Variants in LIFR observed in about 807,000 individuals in gnomAD.
LIFR encodes the protein leukemia inhibitory factor receptor.
LIFR carries 84 observed loss-of-function variants against 122.2 expected under a neutral mutation model. The observed-to-expected ratio is 0.69, with a 90% confidence interval of 0.58 to 0.82. The LOEUF (loss-of-function observed/expected upper bound fraction) is 0.82. Ranked by LOEUF, LIFR falls within the 40% of genes least tolerant of loss-of-function variation. The pLI, the probability that LIFR is intolerant of heterozygous loss-of-function variation, is 0.00. For missense variants in LIFR, 1,294 were observed against 1,311.6 expected, an observed-to-expected ratio of 0.99 and a Z score of 0.21; for synonymous variants, 422 against 434.7, an observed-to-expected ratio of 0.97 and a Z score of 0.36.
chr5:38,500,228 T>C (rs1218865723), intron 11 of LIFR, among the ~76,000 whole-genome samples: 2 of 152,194 alleles, frequency 1.3e-5, no homozygotes, highest in African/African-American at 2.4e-5. Context: ...TTTCTAGTCC[T>C]GGATCCTACA....
At chr5:38,584,476 T>C (rs949667220) in intron 1 of LIFR, among the ~76,000 whole-genome samples, 2 of 152,052 alleles carry the variant, frequency 1.3e-5, no homozygotes, top group Non-Finnish European at 2.9e-5. Context: ...AAAGAAAATG[T>C]GGTATATATG....
At chr5:38,553,653 TA>T (rs1285220161) in intron 1 of LIFR, among the ~76,000 whole-genome samples, 2 of 103,354 alleles carry the variant, frequency 1.9e-5, no homozygotes, top group African/African-American at 4.1e-5. Context: ...TATATATATA[TA>T]TATATATATA....
At chr5:38,540,657 C>T (rs538862613) in intron 1 of LIFR, among the ~76,000 whole-genome samples, 1 of 152,306 alleles carries the variant, frequency 6.6e-6, no homozygotes, top group African/African-American at 2.4e-5. Flanking sequence ...GCGGCCAGTA[C>T]AGCCACAGAT....
intron 15 of LIFR, 53 bp from the exon 16 acceptor site, chr5:38,489,298 T>C: frequency 1.5e-6 from 2 of 1,330,634 alleles, no homozygotes; most frequent in Non-Finnish European, 1.1e-6. Context: ...TACAGAGTAA[T>C]ACAGTAATGT....
chr5:38,540,002 A>C (rs1158383307), intron 1 of LIFR, among the ~76,000 whole-genome samples: 1 of 152,186 alleles, frequency 6.6e-6, no homozygotes, highest in Non-Finnish European at 1.5e-5. Flanking sequence ...TACAGCTAGT[A>C]AGGAGCAAAG....
intron 1 of LIFR, among the ~76,000 whole-genome samples, chr5:38,552,186 T>G (rs370247948): frequency 6.6e-6 from 1 of 152,212 alleles, no homozygotes; most frequent in Non-Finnish European, 1.5e-5. Context: ...AAGTTATTAA[T>G]TGATTAAGAT....
In LIFR at chr5:38,523,461, T is replaced by C. The variant is rs756848240; in HGVS notation, c.519A>G (p.Glu173=). Residue 173 remains glutamate (E), a synonymous_variant, in exon 5 of 20, where the codon GAA becomes GAG. Coordinates refer to ENST00000453190, the MANE Select transcript of LIFR (RefSeq NM_001127671.2). ...VFPHRSNVIW[E]IKVLRKESME... The stretch of plus-strand genomic sequence containing the variant: ...TACTCTCTTTACGTAGAACTTTAAT[T>C]TCCCAGATAACATTTGAGCGGTGTG... 2 of 1,613,138 alleles carry C rather than the reference T, an allele frequency of 1.2e-6. No homozygotes were observed. The highest frequency in any genetic ancestry group is 2.7e-5 in the African/African-American group (2 of 74,862).
chr5:38,524,215 C>T (rs1199486848), intron 4 of LIFR, among the ~76,000 whole-genome samples: 2 of 152,158 alleles, frequency 1.3e-5, no homozygotes, highest in Admixed American at 1.3e-4. Flanking sequence ...GGGGATGTCA[C>T]CCACTTGAGA....
chr5:38,563,847 C>T (rs1011345283), intron 1 of LIFR, among the ~76,000 whole-genome samples: 1 of 152,200 alleles, frequency 6.6e-6, no homozygotes, highest in Non-Finnish European at 1.5e-5. Flanking sequence ...CATTCCTGAA[C>T]GCTATGTTCC....
upstream of LIFR, among the ~76,000 whole-genome samples, chr5:38,559,343 G>C (rs1256988395): frequency 6.6e-6 from 1 of 152,186 alleles, no homozygotes; most frequent in African/African-American, 2.4e-5. Flanking sequence ...TATTTGACCA[G>C]GCCATAACCC....
intron 1 of LIFR, among the ~76,000 whole-genome samples, chr5:38,531,564 C>T (rs1217337631): frequency 1.3e-5 from 2 of 148,236 alleles, no homozygotes; most frequent in Admixed American, 6.8e-5. Context: ...CTAGAGGATG[C>T]AATGAAAAAG....
At chr5:38,514,088 C>T (rs1286121992) in intron 5 of LIFR, among the ~76,000 whole-genome samples, 2 of 151,336 alleles carry the variant, frequency 1.3e-5, no homozygotes, top group Non-Finnish European at 2.9e-5. Context: ...AATAGAAATT[C>T]AATAGCAGGA....
chr5:38,578,850 C>A (rs192739145), intron 1 of LIFR, among the ~76,000 whole-genome samples: 1 of 152,204 alleles, frequency 6.6e-6, no homozygotes, highest in Non-Finnish European at 1.5e-5. Context: ...AGCCACCACG[C>A]GCAGCCTAGA....
At chr5:38,541,817 GATA>G (rs1747606170) in intron 1 of LIFR, among the ~76,000 whole-genome samples, 1 of 152,118 alleles carries the variant, frequency 6.6e-6, no homozygotes, top group Admixed American at 6.5e-5. Context: ...AAAATGAAAT[GATA>G]ATGTTGATAA....
intron 7 of LIFR, 125 bp from the exon 8 acceptor site, chr5:38,506,757 C>G (rs1418282351): frequency 3.7e-6 from 3 of 806,364 alleles, no homozygotes; most frequent in Admixed American, 2.2e-5. Flanking sequence ...TTACATTTTA[C>G]TTTTGAATAA....
chr5:38,520,230 G>C (rs1436831989), intron 5 of LIFR, among the ~76,000 whole-genome samples: 1 of 152,086 alleles, frequency 6.6e-6, no homozygotes, highest in Non-Finnish European at 1.5e-5. Context: ...GTGATATTGA[G>C]CATTTTTTCA....
Position 38,538,968 on chromosome 5 carries a change from C to T in LIFR, c.-19-8302G>A, listed in dbSNP as rs554074550. ...GGGCATCTCTTCCTCTTGGTTCTCT[C>T]TTTTTTTTTTGAGACGGAGTCTCGC... On this transcript the variant is annotated intron_variant, in intron 1 of 19. Transcript: ENST00000453190. Among the ~76,000 whole-genome samples the T allele has an allele frequency of 4.7e-5, 7 of 149,624 alleles. No homozygotes were observed. In the East Asian group the frequency reaches 5.9e-4, roughly 13 times the overall value.
Position 38,530,395 on chromosome 5 carries a change from A to AT in LIFR, c.142+110dup, listed in dbSNP as rs1179316964. 1.2e-4 allele frequency: 105 copies of AT among 905,146 alleles called. 1 individual carries two copies. In the African/African-American group the frequency reaches 1.6e-3, roughly 14 times the overall value. The allele number at this position is 905,146 out of a possible 1,614,324, so 56.1% of individuals were successfully genotyped here. A position where few individuals can be genotyped will look rare whatever the true frequency, so the allele number is the denominator to read the frequency against. ...AGAAAAAAGATGACAAAAAAAATGA[A>AT]TTTTAACCAACAAAATCCTAAAGGG... On this transcript the variant is annotated intron_variant, in intron 2 of 19. Transcript: ENST00000453190.
intron 7 of LIFR, among the ~76,000 whole-genome samples, chr5:38,507,178 TTC>T (rs562306847): frequency 1.3e-5 from 2 of 152,186 alleles, no homozygotes; most frequent in Non-Finnish European, 2.9e-5. Flanking sequence ...TTTGTTGTTT[TTC>T]TCTTTATCAA....
Sources: allele counts gnomAD v4.1 joint callset (sites outside exome capture counted in the v4.1 genomes callset), GRCh38; gene constraint gnomAD v4.1.1; transcripts MANE v1.5; gene names NCBI Gene and HGNC (gene_info 2026-07-23, HGNC 2026-07-21).